CELA3B: variants seen among roughly 807,000 people sequenced by gnomAD.
CELA3B encodes the protein chymotrypsin like elastase 3B, also known as chymotrypsin-like elastase family member 3B.
In CELA3B, 34 loss-of-function variants were observed where a neutral mutation model predicts 37.2. The observed-to-expected ratio is 0.91, with a 90% CI of 0.70 to 1.22. The LOEUF (loss-of-function observed/expected upper bound fraction) is 1.22, where lower values mean the gene tolerates loss of function less well. CELA3B is among the 50% of genes most tolerant of loss of function. CELA3B has a pLI of 0.00. For missense variants in CELA3B, 340 were observed against 363.1 expected (o/e 0.94, Z 0.52); for synonymous variants, 127 against 143.5 (o/e 0.89, Z 0.82).
Position 21,978,784 on chromosome 1 carries a change from A to T in CELA3B, c.129+330A>T, listed in dbSNP as rs1441331863. Among the ~76,000 whole-genome samples the T allele has an allele frequency of 3.4e-4, 52 of 152,094 alleles. No individual in the cohort carries two copies. The East Asian group carries it at 6.4e-3, about 19-fold the overall frequency. On this transcript the variant is annotated intron_variant, in intron 2 of 7. Transcript: ENST00000337107. ...CATTTCTAGATTCCTAGGATGATACAACAGGGCTATGGGGTCTGAAAGCAA... is the reference window on the plus strand; with the variant it reads ...CATTTCTAGATTCCTAGGATGATACTACAGGGCTATGGGGTCTGAAAGCAA...
At chr1:21,996,555 A>G (rs1644891002) in intron 4 of CELA3B, among the ~76,000 whole-genome samples, 1 of 151,184 alleles carries the variant, frequency 6.6e-6, no homozygotes, top group Admixed American at 6.6e-5. Context: ...GGGCATGTCT[A>G]TGGAGTAACC....
chr1:21,985,692 C>A (rs954547068), intron 6 of CELA3B, among the ~76,000 whole-genome samples: 2 of 151,496 alleles, frequency 1.3e-5, no homozygotes, highest in Non-Finnish European at 2.9e-5. Flanking sequence ...GAGATCGAGA[C>A]CATCCTGGCT....
At chr1:21,995,595 C>T (rs1254867245) in intron 4 of CELA3B, among the ~76,000 whole-genome samples, 1 of 151,030 alleles carries the variant, frequency 6.6e-6, no homozygotes, top group Non-Finnish European at 1.5e-5. Flanking sequence ...TGAAGTTATC[C>T]CCTTCCCTTT....
At position 21,977,157 on chromosome 1, in the gene CELA3B, A is replaced by G. The variant is rs949355668; in HGVS notation, c.43+75A>G. On this transcript the variant is annotated intron_variant, in intron 1 of 7. Transcript: ENST00000337107. The stretch of plus-strand genomic sequence containing the variant: ...ATCCTTGAAATCTACCACTTGCTCT[A>G]AGTCCCATGACACCCTATGCCTGGT... 386 of 1,599,338 alleles carry G rather than the reference A, an allele frequency of 2.4e-4. 1 individual carries two copies. The highest frequency in any genetic ancestry group is 3.3e-4 in the Middle Eastern group (2 of 6,046).
Position 21,989,158 on chromosome 1 carries a change from T to C in CELA3B, c.796-104T>C, listed in dbSNP as rs115458003. ...TGAGGCTCAGAGAGGTCAATTCCTC[T>C]CCCAGGGTCACACAGCAGGGCTGGA... is the stretch of plus-strand genomic sequence containing the variant. On this transcript the variant is annotated intron_variant, in intron 7 of 7. Coordinates refer to ENST00000337107, the MANE Select transcript of CELA3B (RefSeq NM_007352.4). The C allele has an allele frequency of 4.0e-4, 632 of 1,594,986 alleles. 16 individuals carry two copies. The African/African-American group carries it at 7.5e-3, about 19-fold the overall frequency.
At chr1:21,989,816 G>A (rs1569852497), downstream of CELA3B, among the ~76,000 whole-genome samples, 3 of 150,752 alleles carry the variant, frequency 2.0e-5, no homozygotes, top group Non-Finnish European at 4.4e-5. Flanking sequence ...TTTAAAGGAG[G>A]GCTCAGAGGG....
intron 2 of CELA3B, among the ~76,000 whole-genome samples, chr1:21,980,393 C>A (rs1031558548): frequency 2.0e-5 from 3 of 152,154 alleles, no homozygotes; most frequent in Non-Finnish European, 4.4e-5. Flanking sequence ...GCAGGAGAGT[C>A]GCTTGAACCC....
chr1:21,977,241 A>C (rs1384484203), intron 1 of CELA3B, among the ~76,000 whole-genome samples, 159 bp downstream of exon 1: 1 of 152,130 alleles, frequency 6.6e-6, no homozygotes, highest in Non-Finnish European at 1.5e-5. Flanking sequence ...CTTTCAGCTT[A>C]TGATGGAGCA....
chr1:21,977,611 A>G (rs1644779816), intron 1 of CELA3B, among the ~76,000 whole-genome samples: 1 of 152,186 alleles, frequency 6.6e-6, no homozygotes, highest in Non-Finnish European at 1.5e-5. Flanking sequence ...TTTCTCATGT[A>G]ATTCTCACAA....
At chr1:21,988,841 G>C (rs1345939289) in intron 7 of CELA3B, among the ~76,000 whole-genome samples, 1 of 151,856 alleles carries the variant, frequency 6.6e-6, no homozygotes, top group Non-Finnish European at 1.5e-5. Flanking sequence ...GGTGAGCTGA[G>C]ATTGTGCCAC....
chr1:21,986,784 T>C lies in CELA3B; in HGVS notation c.795+101T>C. 4 of 1,358,346 alleles carry C rather than the reference T, an allele frequency of 2.9e-6. No individual in the cohort carries two copies. In the South Asian group the frequency reaches 5.7e-5, roughly 19 times the overall value. 84.1% of individuals were successfully genotyped at this position (1,358,346 alleles called of 1,614,324 possible). A position where few individuals can be genotyped will look rare whatever the true frequency, so the allele number is the denominator to read the frequency against. On this transcript the variant is annotated intron_variant, in intron 7 of 7. Coordinates refer to ENST00000337107, the MANE Select transcript of CELA3B (RefSeq NM_007352.4). ...TCCTGGGGAGGGCCTGAAAGGATCC[T>C]AGAAGCTCAGTGGGGAAGGGCCCTT...
chr1:21,993,214 A>G (rs1644876089), downstream of CELA3B, among the ~76,000 whole-genome samples: 1 of 151,366 alleles, frequency 6.6e-6, no homozygotes, highest in South Asian at 2.1e-4. Context: ...TAATCCCGGC[A>G]CTTTGGGAGG....
At chr1:21,984,528 C>T (rs1644826723) in intron 6 of CELA3B, among the ~76,000 whole-genome samples, 197 bp downstream of exon 6, 1 of 152,028 alleles carries the variant, frequency 6.6e-6, no homozygotes, top group Non-Finnish European at 1.5e-5. Context: ...GTTGCAGTCT[C>T]AGCTCACACA....
intron 7 of CELA3B, among the ~76,000 whole-genome samples, chr1:21,988,788 G>T (rs1399034951): frequency 6.6e-6 from 1 of 151,978 alleles, no homozygotes; most frequent in Admixed American, 6.5e-5. Flanking sequence ...TACTTGGGAG[G>T]CTGAGGCAGG....
At chr1:21,985,662 C>T (rs188197847) in intron 6 of CELA3B, among the ~76,000 whole-genome samples, 1,992 of 151,428 alleles carry the variant, frequency 0.013, 52 homozygotes, top group African/African-American at 0.045. Context: ...GAGGCCGAGC[C>T]GGGCGGATCA....
In CELA3B at chr1:21,978,492, G is replaced by T. The variant is rs376043918; in HGVS notation, c.129+38G>T. On this transcript the variant is annotated intron_variant, in intron 2 of 7. Transcript: ENST00000337107. ...GCAGCTGCCCTCATTCCCACCGTGG[G>T]CTCTGGACCCTAAGCTCTAATGGCG... 34 of 1,609,084 alleles carry T rather than the reference G, an allele frequency of 2.1e-5. No individual in the cohort carries two copies. In the African/African-American group the frequency reaches 4.3e-4, roughly 20 times the overall value.
chr1:21,991,939 G>A (rs1644870494), downstream of CELA3B, among the ~76,000 whole-genome samples: 1 of 150,628 alleles, frequency 6.6e-6, no homozygotes, highest in Non-Finnish European at 1.5e-5. Context: ...GGCCAACATG[G>A]TGAAGCCCCG....
At chr1:21,995,185 C>A (rs1200863412) in intron 4 of CELA3B, among the ~76,000 whole-genome samples, 2 of 143,336 alleles carry the variant, frequency 1.4e-5, no homozygotes, top group African/African-American at 5.4e-5. Context: ...GCTCTGTCAC[C>A]CAGGCTGGAG....
At chr1:21,982,569 C>T (rs1444890254) in intron 4 of CELA3B, among the ~76,000 whole-genome samples, 2 of 147,536 alleles carry the variant, frequency 1.4e-5, no homozygotes, top group Non-Finnish European at 3.0e-5. Context: ...TACACTCCAG[C>T]CTGGGCAACA....
Sources: gnomAD v4.1 joint callset for allele counts (sites outside exome capture counted in the v4.1 genomes callset) on GRCh38, gnomAD v4.1.1 for gene constraint, MANE v1.5 for transcripts, NCBI Gene and HGNC (gene_info 2026-07-23, HGNC 2026-07-21) for gene names.